Variants in PRKG1 observed in about 807,000 individuals in gnomAD.
PRKG1 encodes the protein protein kinase cGMP-dependent 1, also known as cGMP-dependent protein kinase 1.
A neutral mutation model predicts 88.1 loss-of-function variants in PRKG1; 35 were observed. That is an observed-to-expected ratio of 0.40 (90% CI 0.30 to 0.53). The LOEUF (loss-of-function observed/expected upper bound fraction) is 0.53. Ranked by LOEUF, PRKG1 falls within the 20% of genes least tolerant of loss-of-function variation. The probability of loss-of-function intolerance (pLI) is 0.59; values close to 1 mark genes in which losing one functional copy is unlikely to be tolerated. For missense variants in PRKG1, 540 were observed against 839.8 expected (o/e 0.64, Z 4.41); for synonymous variants, 303 against 292.5 (o/e 1.04, Z -0.37).
At chr10:51,687,634 T>C (rs1841027311) in intron 3 of PRKG1, among the ~76,000 whole-genome samples, 2 of 152,160 alleles carry the variant, frequency 1.3e-5, no homozygotes, top group African/African-American at 4.8e-5. Flanking sequence ...ATTTGTGGGA[T>C]TAGAGAACAA....
intron 4 of PRKG1, among the ~76,000 whole-genome samples, chr10:51,888,139 C>A (rs1589390474): frequency 6.6e-6 from 1 of 152,098 alleles, no homozygotes; most frequent in East Asian, 1.9e-4. Context: ...TGGGTATAGG[C>A]TTATGGCCCA....
At chr10:52,150,047 C>A (rs1005735982) in intron 8 of PRKG1, among the ~76,000 whole-genome samples, 1 of 151,606 alleles carries the variant, frequency 6.6e-6, no homozygotes, top group African/African-American at 2.4e-5. Flanking sequence ...ACTCAGGAGG[C>A]TGAGACAGGA....
In PRKG1 at chr10:51,968,257, C is replaced by G. The variant is rs139372102; in HGVS notation, c.762+60687C>G. The stretch of plus-strand genomic sequence containing the variant: ...CTCTAGAGTACCAGGAGACCAAGGC[C>G]AACTGTAAAGATTATTCTTTACTAC... On this transcript the variant is annotated intron_variant, in intron 5 of 17. Coordinates refer to ENST00000373980, the MANE Select transcript of PRKG1 (RefSeq NM_006258.4). Among the ~76,000 whole-genome samples, 979 of 152,144 alleles carry G rather than the reference C, an allele frequency of 6.4e-3. 7 individuals are homozygous for G. Among genetic ancestry groups the G allele is most frequent in the African/African-American group, 0.021 (866 of 41,506 alleles).
chr10:51,027,785 G>T (rs923879831), intron 1 of PRKG1, among the ~76,000 whole-genome samples: 2 of 152,136 alleles, frequency 1.3e-5, no homozygotes, highest in Non-Finnish European at 1.5e-5. Flanking sequence ...AGTGGAAAGT[G>T]ATTATTTATT....
Position 51,324,494 on chromosome 10 carries a change from G to A in PRKG1, c.479-143229G>A, listed in dbSNP as rs554875722. On this transcript the variant is annotated intron_variant, in intron 2 of 17. Transcript: ENST00000373980. ...CGGGCGCGGTGGCTCACGCCAGGCC[G>A]AGGCAGGCAGATTATCAGGTCAGGA... Among the ~76,000 whole-genome samples, 295 of 150,554 alleles carry A rather than the reference G, an allele frequency of 2.0e-3. 1 individual carries two copies. Among genetic ancestry groups the A allele is most frequent in the African/African-American group, 7.0e-3 (287 of 40,890 alleles).
At chr10:51,989,377 C>T (rs753139307) in intron 5 of PRKG1, among the ~76,000 whole-genome samples, 15 of 149,850 alleles carry the variant, frequency 1.0e-4, no homozygotes, top group Non-Finnish European at 1.5e-4. Context: ...AATGATTACC[C>T]GTAATGTGGA....
intron 3 of PRKG1, among the ~76,000 whole-genome samples, chr10:51,628,363 A>G (rs947099279): frequency 3.3e-4 from 50 of 151,002 alleles, no homozygotes; most frequent in African/African-American, 1.1e-3. Context: ...AGGTCTCACT[A>G]TGTTGCCCAG....
chr10:51,428,134 TA>T (rs1463764996), intron 2 of PRKG1, among the ~76,000 whole-genome samples: 1 of 152,206 alleles, frequency 6.6e-6, no homozygotes, highest in Non-Finnish European at 1.5e-5. Context: ...TTCTAACTGC[TA>T]GAACTTCTAT....
At chr10:52,281,609 C>A (rs564590380) in intron 13 of PRKG1, among the ~76,000 whole-genome samples, 1 of 152,190 alleles carries the variant, frequency 6.6e-6, no homozygotes, top group South Asian at 2.1e-4. Context: ...CAAAAGAGTT[C>A]CAGAAAAATG....
chr10:52,087,237 G>A (rs1031449952), intron 7 of PRKG1, among the ~76,000 whole-genome samples: 12 of 152,116 alleles, frequency 7.9e-5, no homozygotes, highest in African/African-American at 2.9e-4. Context: ...CAATTCGATG[G>A]ATAAGAACTG....
At chr10:51,456,552 A>G (rs1371825338) in intron 2 of PRKG1, among the ~76,000 whole-genome samples, 1 of 152,220 alleles carries the variant, frequency 6.6e-6, no homozygotes, top group Non-Finnish European at 1.5e-5. Context: ...ATTCATGACA[A>G]AGAACCCAAA....
intron 2 of PRKG1, among the ~76,000 whole-genome samples, chr10:51,171,934 G>T (rs773659102): frequency 6.6e-6 from 1 of 151,834 alleles, no homozygotes; most frequent in African/African-American, 2.4e-5. Flanking sequence ...TGAATTAATT[G>T]CACAACTCAT....
chr10:51,525,767 C>T (rs902501670), intron 3 of PRKG1, among the ~76,000 whole-genome samples: 13 of 151,508 alleles, frequency 8.6e-5, no homozygotes, highest in African/African-American at 2.4e-4. Context: ...TCCCATATAC[C>T]TACCACCAAC....
chr10:51,628,438 C>T (rs907430639), intron 3 of PRKG1, among the ~76,000 whole-genome samples: 3 of 151,800 alleles, frequency 2.0e-5, no homozygotes, highest in Admixed American at 6.6e-5. Flanking sequence ...GCTGAGATTA[C>T]AGGCGTGAGC....
intron 3 of PRKG1, among the ~76,000 whole-genome samples, chr10:51,756,153 A>G (rs1589260967): frequency 6.6e-6 from 1 of 152,196 alleles, no homozygotes; most frequent in East Asian, 1.9e-4. Context: ...TATTCTCAGG[A>G]ACCTTAGAAT....
At chr10:51,219,498 A>G (rs1202535218) in intron 2 of PRKG1, among the ~76,000 whole-genome samples, 1 of 152,010 alleles carries the variant, frequency 6.6e-6, no homozygotes, top group Non-Finnish European at 1.5e-5. Context: ...TCACAAGGTC[A>G]GGGGTTTGAG....
intron 3 of PRKG1, among the ~76,000 whole-genome samples, chr10:51,721,394 G>A (rs942152523): frequency 1.3e-5 from 2 of 152,126 alleles, no homozygotes; most frequent in Non-Finnish European, 2.9e-5. Context: ...GGGGTGACCA[G>A]GAACTACGTG....
intron 7 of PRKG1, among the ~76,000 whole-genome samples, chr10:52,109,885 T>A (rs1272775430): frequency 6.6e-6 from 1 of 151,980 alleles, no homozygotes; most frequent in Non-Finnish European, 1.5e-5. Flanking sequence ...TGACTTTGGA[T>A]GGTGGTTCCT....
At chr10:51,461,550 C>T (rs1839745796) in intron 2 of PRKG1, among the ~76,000 whole-genome samples, 1 of 152,082 alleles carries the variant, frequency 6.6e-6, no homozygotes, top group South Asian at 2.1e-4. Flanking sequence ...GAATGATTTT[C>T]AAACATCCAG....
Sources: gnomAD v4.1 joint callset for allele counts (sites outside exome capture counted in the v4.1 genomes callset) on GRCh38, gnomAD v4.1.1 for gene constraint, MANE v1.5 for transcripts, NCBI Gene and HGNC (gene_info 2026-07-23, HGNC 2026-07-21) for gene names.